The following F5 variants were observed in gnomAD, a reference collection of about 807,000 sequenced individuals.
The protein encoded by F5 is coagulation factor V, also known as activated protein c cofactor.
F5 carries 138 observed loss-of-function variants against 216.4 expected under a neutral mutation model. The observed-to-expected ratio is 0.64, with a 90% confidence interval of 0.56 to 0.73. The LOEUF is 0.73. F5 is among the 30% of genes least tolerant of loss of function. The pLI is 0.00. For missense variants in F5, 2,403 were observed against 2,674.0 expected, an observed-to-expected ratio of 0.90 and a Z score of 2.24; for synonymous variants, 916 against 930.7, an observed-to-expected ratio of 0.98 and a Z score of 0.29.
chr1:169,553,770 A>G (rs902878679), intron 7 of F5, among the ~76,000 whole-genome samples: 1 of 152,180 alleles, frequency 6.6e-6, no homozygotes, highest in Non-Finnish European at 1.5e-5. Context: ...GCCAGTCAGA[A>G]TGGCGATGAT....
intron 3 of F5, among the ~76,000 whole-genome samples, chr1:169,561,808 G>A (rs1257465014): frequency 6.6e-6 from 1 of 152,082 alleles, no homozygotes; most frequent in Non-Finnish European, 1.5e-5. Context: ...AAAAAAGCCT[G>A]AAATGTTTTA....
At chr1:169,572,455 G>A in intron 2 of F5, 112 bp from the exon 3 acceptor site, 3 of 1,309,346 alleles carry the variant, frequency 2.3e-6, no homozygotes, top group Middle Eastern at 1.9e-4. Context: ...CATTCCTCCT[G>A]GTCCTGAGGC....
chr1:169,546,382 C>G (rs1052716011), intron 11 of F5, 60 bp downstream of exon 11: 1 of 1,590,346 alleles, frequency 6.3e-7, no homozygotes, highest in African/African-American at 1.3e-5. Context: ...ACTCTAGGCA[C>G]AGTCATATTT....
At chr1:169,534,003 T>G (rs1204221369) in intron 14 of F5, among the ~76,000 whole-genome samples, 1 of 152,086 alleles carries the variant, frequency 6.6e-6, no homozygotes, top group Non-Finnish European at 1.5e-5. Flanking sequence ...TAGTTAAAGA[T>G]CGACCCGTGA....
intron 23 of F5, 65 bp downstream of exon 23, chr1:169,518,347 G>A (rs1659207279): frequency 1.3e-6 from 2 of 1,570,754 alleles, no homozygotes; most frequent in East Asian, 2.2e-5. Flanking sequence ...CCATGTTTGT[G>A]GTAGTGAGGG....
intron 3 of F5, among the ~76,000 whole-genome samples, chr1:169,569,300 A>G (rs1660673992): frequency 6.6e-6 from 1 of 152,120 alleles, no homozygotes; most frequent in Non-Finnish European, 1.5e-5. Context: ...AATGTCTGGC[A>G]GAAAACGTGT....
chr1:169,532,781 T>C (rs948495401), intron 14 of F5, among the ~76,000 whole-genome samples: 4 of 152,182 alleles, frequency 2.6e-5, no homozygotes, highest in African/African-American at 9.7e-5. Flanking sequence ...AGAATCAGTA[T>C]TGTTAAAATA....
rs1425347786 is a variant in F5, at chr1:169,542,509, C to T, written c.2581G>A (p.Glu861Lys). 1.2e-6 allele frequency: 2 copies of T among 1,614,070 alleles called. No homozygotes were observed. Among genetic ancestry groups the T allele is most frequent in the Admixed American group, 1.7e-5 (1 of 60,006 alleles). Residue 861 changes from glutamate to lysine, a missense_variant, in exon 13 of 25, where the codon GAA (glutamate) becomes AAA (lysine). By Grantham distance (56) the Glu-to-Lys change is moderately conservative (BLOSUM62 1). Coordinates refer to ENST00000367797, the MANE Select transcript of F5 (RefSeq NM_000130.5). The stretch of plus-strand genomic sequence containing the variant: ...TTGGGTCCCTTATGCTTAGCATGTT[C>T]TTGACTTTTGAATTCTCCAGCACCA... Reference protein sequence around the residue: ...SLGAGEFKSQEHAKHKGPKVE... With the variant: ...SLGAGEFKSQKHAKHKGPKVE...
At position 169,559,240 on chromosome 1, in the gene F5, A is replaced by G. The variant is rs1407333552; in HGVS notation, c.643T>C (p.Phe215Leu). 1 of 1,613,706 alleles carries G rather than the reference A, an allele frequency of 6.2e-7. No individual in the cohort carries two copies. Among genetic ancestry groups the G allele is most frequent in the South Asian group, 1.1e-5 (1 of 91,080 alleles). Reference protein sequence around the residue: ...KTFDKQIVLLFAVFDESKSWS... With the variant: ...KTFDKQIVLLLAVFDESKSWS... ...CTCTTGCTTTCATCAAACACAGCAAATAGTAGCACGATTTGCTTGTCAAAC... is the reference window on the plus strand; with the variant it reads ...CTCTTGCTTTCATCAAACACAGCAAGTAGTAGCACGATTTGCTTGTCAAAC... Residue 215 changes from phenylalanine to leucine, a missense_variant, in exon 5 of 25, where the codon TTT becomes CTT. By Grantham distance (22) the Phe-to-Leu change is conservative. This residue lies in a region of F5 where 1,425 missense variants were observed against 1,554.8 expected (regional missense o/e 0.92). Coordinates refer to ENST00000367797, the MANE Select transcript of F5 (RefSeq NM_000130.5).
chr1:169,556,582 G>T, intron 6 of F5, 64 bp downstream of exon 6: 1 of 1,499,298 alleles, frequency 6.7e-7, no homozygotes, highest in Non-Finnish European at 9.3e-7. Context: ...GAGAAAGAGG[G>T]AGTTAGTGCA....
At chr1:169,521,769 C>T (rs980410011) in intron 21 of F5, among the ~76,000 whole-genome samples, 8 of 148,986 alleles carry the variant, frequency 5.4e-5, no homozygotes, top group African/African-American at 9.8e-5. Context: ...TACAAGTGCA[C>T]GCCACCCTGC....
chr1:169,550,696 G>C lies in F5; in HGVS notation c.1340C>G (p.Pro447Arg), dbSNP rs368387623. Residue 447 changes from proline (P) to arginine (R), a missense_variant, in exon 9 of 25, where the codon CCT becomes CGT. This residue lies in a region of F5 where 1,425 missense variants were observed against 1,554.8 expected (regional missense o/e 0.92). Coordinates refer to ENST00000367797, the MANE Select transcript of F5 (RefSeq NM_000130.5). ...NMASRPYSIY[P>R]HGVTFSPYED... ...ATAAGGCGAGAAGGTCACTCCATGA[G>C]GGTAAATGCTATAGGGGCGGCTGGC... 14 of 1,613,918 alleles carry C rather than the reference G, an allele frequency of 8.7e-6. No individual in the cohort carries two copies. The South Asian group carries it at 1.3e-4, about 15-fold the overall frequency.
chr1:169,577,705 G>C (rs1006923834), intron 2 of F5, among the ~76,000 whole-genome samples: 14 of 150,280 alleles, frequency 9.3e-5, no homozygotes, highest in African/African-American at 3.4e-4. Context: ...CTCCCAAAGT[G>C]CTGGGATTAC....
chr1:169,531,857 G>T (rs1659602241), intron 14 of F5, among the ~76,000 whole-genome samples: 1 of 152,002 alleles, frequency 6.6e-6, no homozygotes, highest in Non-Finnish European at 1.5e-5. Flanking sequence ...TACAAAGCCA[G>T]CATCACCCTA....
chr1:169,525,056 A>G (rs1659409112), intron 18 of F5, 148 bp from the exon 19 acceptor site: 1 of 662,652 alleles, frequency 1.5e-6, no homozygotes, highest in African/African-American at 1.8e-5. Flanking sequence ...ATATCTGATT[A>G]TAAAATGGTA....
rs1462619482 is a variant in F5, at chr1:169,542,664, G to A, written c.2426C>T (p.Pro809Leu). ...GTTCTTGCCAATGAGGTGTCTCAGT[G>A]GGGAACCAGCTGTGGTGGCTTGTTG... ...SHQQATTAGS[P>L]LRHLIGKNSV... is the part of the protein sequence containing the mutation. The change falls in exon 13 of 25, where the codon CCA (proline) becomes CTA (leucine). Residue 809 changes from proline (P) to leucine (L), a missense_variant. Transcript: ENST00000367797. The A allele has an allele frequency of 1.2e-6, 2 of 1,614,100 alleles. No homozygotes were observed. Among genetic ancestry groups the A allele is most frequent in the East Asian group, 2.2e-5 (1 of 44,878 alleles).
At chr1:169,518,106 T>C (rs924438065) in intron 23 of F5, among the ~76,000 whole-genome samples, 2 of 152,270 alleles carry the variant, frequency 1.3e-5, no homozygotes, top group African/African-American at 4.8e-5. Context: ...TGGCAGAGAA[T>C]GTATGGCCCA....
chr1:169,567,169 T>C (rs1304826701), intron 3 of F5, among the ~76,000 whole-genome samples: 1 of 151,542 alleles, frequency 6.6e-6, no homozygotes, highest in Non-Finnish European at 1.5e-5. Context: ...AGAGGGTGAG[T>C]GAGAGGGTCC....
chr1:169,526,072 G>A (rs1241597876), intron 17 of F5, 55 bp from the exon 18 acceptor site: 2 of 1,189,250 alleles, frequency 1.7e-6, no homozygotes, highest in South Asian at 1.2e-5. Flanking sequence ...AAATATTGTG[G>A]TTGATAGTTC....
Sources: allele counts gnomAD v4.1 joint callset (sites outside exome capture counted in the v4.1 genomes callset), GRCh38; gene constraint gnomAD v4.1.1; regional missense constraint gnomAD v4.1.1; transcripts MANE v1.5; gene names NCBI Gene and HGNC (gene_info 2026-07-23, HGNC 2026-07-21).